The following INSYN2B variants were observed in gnomAD, a reference collection of about 807,000 sequenced individuals.
The protein encoded by INSYN2B is protein INSYN2B.
In INSYN2B, 16 loss-of-function variants were observed where a neutral mutation model predicts 41.2. The ratio of observed to expected loss-of-function variants is 0.39; its 90% confidence interval spans 0.26 to 0.59. The LOEUF is 0.59. INSYN2B is among the 20% of genes least tolerant of loss of function. The pLI is 0.57. For synonymous variants in INSYN2B, 245 were observed against 244.4 expected (o/e 1.00, Z -0.02); for missense variants, 608 against 646.4 (o/e 0.94, Z 0.64).
chr5:169,898,880 G>T (rs532597004), intron 1 of INSYN2B, among the ~76,000 whole-genome samples: 86 of 152,304 alleles, frequency 5.6e-4, no homozygotes, highest in African/African-American at 1.9e-3. Flanking sequence ...CAGCAAGTCA[G>T]AGAACCAGAT....
At chr5:169,925,936 T>C (rs1297877046) in intron 1 of INSYN2B, among the ~76,000 whole-genome samples, 1 of 152,152 alleles carries the variant, frequency 6.6e-6, no homozygotes, top group Non-Finnish European at 1.5e-5. Context: ...CTAGGGAAAT[T>C]CTTAAAGGGG....
intron 1 of INSYN2B, among the ~76,000 whole-genome samples, chr5:169,895,856 T>C (rs146354775): frequency 2.6e-5 from 4 of 152,332 alleles, no homozygotes; most frequent in Admixed American, 2.6e-4. Context: ...GCCTGGCACA[T>C]AATAGATATA....
intron 1 of INSYN2B, among the ~76,000 whole-genome samples, chr5:169,972,484 A>G (rs1302233647): frequency 1.7e-5 from 1 of 58,560 alleles, no homozygotes; most frequent in Non-Finnish European, 2.8e-5. Flanking sequence ...AATGAAAAAT[A>G]TTTCAAGGCA....
intron 1 of INSYN2B, chr5:169,934,747 C>A: frequency 2.2e-6 from 1 of 455,792 alleles, no homozygotes. Context: ...CTCACGGGAT[C>A]AGTGCTCAGT....
rs373144946 is a variant in INSYN2B at position 169,867,855 on chromosome 5, A to T, written c.1422-3396T>A. ...TCTCCCCAGTGGAAACTGGAGATGG[A>T]TTGAGAGCCTAGGCAACCCCTGCAT... is the stretch of plus-strand genomic sequence containing the variant. On this transcript the variant is annotated intron_variant, in intron 3 of 3. Transcript: ENST00000377365. 4.7e-4 allele frequency among the ~76,000 whole-genome samples: 72 copies of T among 152,274 alleles called. 1 individual carries two copies. In the East Asian group the frequency reaches 0.011, roughly 22 times the overall value.
intron 1 of INSYN2B, among the ~76,000 whole-genome samples, chr5:169,929,354 T>C (rs1465782671): frequency 1.3e-5 from 2 of 152,158 alleles, no homozygotes; most frequent in Non-Finnish European, 2.9e-5. Context: ...CATAGCTTTT[T>C]ACACGTAGAT....
At chr5:169,968,634 A>C (rs548972404) in intron 1 of INSYN2B, among the ~76,000 whole-genome samples, 1 of 152,380 alleles carries the variant, frequency 6.6e-6, no homozygotes, top group South Asian at 2.1e-4. Context: ...TGCAAAGCTC[A>C]CAACTGCAGA....
At chr5:169,902,641 T>C (rs1773992919) in intron 1 of INSYN2B, among the ~76,000 whole-genome samples, 1 of 152,206 alleles carries the variant, frequency 6.6e-6, no homozygotes, top group South Asian at 2.1e-4. Flanking sequence ...GTTCCTGGCA[T>C]GATGCTGAGT....
intron 3 of INSYN2B, among the ~76,000 whole-genome samples, chr5:169,876,574 A>G (rs531164854): frequency 1.6e-4 from 24 of 152,306 alleles, no homozygotes; most frequent in Admixed American, 5.2e-4. Flanking sequence ...TCAATGTCCT[A>G]TGAAAGTGCA....
Position 169,862,326 on chromosome 5 carries a change from A to G in INSYN2B, c.*1947T>C, listed in dbSNP as rs181324769. On this transcript the variant is annotated 3_prime_UTR_variant, in exon 4 of 4. Transcript: ENST00000377365. ...GGAACAGGGTTATTTACATTCTAGC[A>G]TGATGCCCGAGAATATAAATTCACA... Among the ~76,000 whole-genome samples the G allele has an allele frequency of 6.6e-6, 1 of 152,384 alleles. No homozygotes were observed. Among genetic ancestry groups the G allele is most frequent in the African/African-American group, 2.4e-5 (1 of 41,596 alleles).
intron 1 of INSYN2B, among the ~76,000 whole-genome samples, chr5:169,978,616 C>T (rs1777824226): frequency 6.6e-6 from 1 of 152,060 alleles, no homozygotes; most frequent in African/African-American, 2.4e-5. Flanking sequence ...CTGGGTTTCT[C>T]TTCTTCTCTC....
chr5:169,915,945 G>A (rs1438263314), intron 1 of INSYN2B, among the ~76,000 whole-genome samples: 3 of 152,130 alleles, frequency 2.0e-5, no homozygotes, highest in Admixed American at 1.3e-4. Context: ...CTTAAGAAAC[G>A]TTATGCTGAA....
At chr5:169,873,947 C>A (rs932683735) in intron 3 of INSYN2B, among the ~76,000 whole-genome samples, 1 of 152,254 alleles carries the variant, frequency 6.6e-6, no homozygotes, top group South Asian at 2.1e-4. Flanking sequence ...TTCCAGGGAG[C>A]CTCCTTGTCA....
chr5:169,978,797 C>G (rs534275951), intron 1 of INSYN2B, among the ~76,000 whole-genome samples: 1 of 152,260 alleles, frequency 6.6e-6, no homozygotes, highest in African/African-American at 2.4e-5. Flanking sequence ...GTTAAGTAGT[C>G]CCTCATCAGC....
At chr5:169,952,394 A>T (rs1238286777) in intron 1 of INSYN2B, among the ~76,000 whole-genome samples, 1 of 152,012 alleles carries the variant, frequency 6.6e-6, no homozygotes, top group Non-Finnish European at 1.5e-5. Flanking sequence ...TCTTTCCTGG[A>T]TCATTTTAAT....
intron 3 of INSYN2B, 71 bp downstream of exon 3, chr5:169,881,292 TAAAAG>T: frequency 7.9e-7 from 1 of 1,259,556 alleles, no homozygotes; most frequent in Admixed American, 2.2e-5. Context: ...TTTTTGCATT[TAAAAG>T]TTTGCTAGAG....
intron 1 of INSYN2B, among the ~76,000 whole-genome samples, chr5:169,969,009 A>C (rs1291535744): frequency 6.6e-6 from 1 of 152,178 alleles, no homozygotes; most frequent in African/African-American, 2.4e-5. Context: ...AAATAGCCTG[A>C]TGTGGTGACA....
At chr5:169,968,392 G>A (rs1187719442) in intron 1 of INSYN2B, among the ~76,000 whole-genome samples, 2 of 152,140 alleles carry the variant, frequency 1.3e-5, no homozygotes, top group Non-Finnish European at 2.9e-5. Context: ...TATGTGTCAG[G>A]CATTGAGGAT....
intron 3 of INSYN2B, 119 bp downstream of exon 3, chr5:169,881,249 A>G (rs1581348740): frequency 2.6e-6 from 2 of 782,608 alleles, no homozygotes; most frequent in South Asian, 3.3e-5. Context: ...TTAACATTTC[A>G]TAGTTAAATA....
Sources: gnomAD v4.1 joint callset for allele counts (sites outside exome capture counted in the v4.1 genomes callset) on GRCh38, gnomAD v4.1.1 for gene constraint, MANE v1.5 for transcripts, NCBI Gene and HGNC (gene_info 2026-07-23, HGNC 2026-07-21) for gene names.